Variants in SORCS3 observed in about 807,000 individuals in gnomAD.
SORCS3 encodes sortilin related VPS10 domain containing receptor 3.
A neutral mutation model predicts 146.3 loss-of-function variants in SORCS3; 57 were observed. The observed-to-expected ratio is 0.39, with a 90% CI of 0.31 to 0.49. The LOEUF is 0.49. SORCS3 is among the 20% of genes least tolerant of loss of function. The pLI, the probability that SORCS3 is intolerant of heterozygous loss-of-function variation, is 0.92. For missense variants in SORCS3, 1,341 were observed against 1,575.5 expected (o/e 0.85, Z 2.52); for synonymous variants, 653 against 618.5 (o/e 1.06, Z -0.83).
chr10:105,007,484 A>G (rs1420416206), intron 4 of SORCS3, among the ~76,000 whole-genome samples: 1 of 152,108 alleles, frequency 6.6e-6, no homozygotes, highest in African/African-American at 2.4e-5. Flanking sequence ...AAACAAACAA[A>G]CATAAGAAAA....
chr10:104,969,306 TG>T (rs2054844810), intron 3 of SORCS3, among the ~76,000 whole-genome samples: 1 of 24,616 alleles, frequency 4.1e-5, no homozygotes, highest in Non-Finnish European at 1.0e-4. Flanking sequence ...AAAAGGATTG[TG>T]TGTGTGTGTG....
chr10:105,039,583 A>T (rs1394969696), intron 4 of SORCS3, among the ~76,000 whole-genome samples: 2 of 147,488 alleles, frequency 1.4e-5, no homozygotes, highest in Non-Finnish European at 3.0e-5. Context: ...CAGCCTCCCC[A>T]GTAGCTGGGA....
intron 19 of SORCS3, among the ~76,000 whole-genome samples, chr10:105,218,734 T>C (rs1446833065): frequency 6.6e-6 from 1 of 152,198 alleles, no homozygotes; most frequent in East Asian, 1.9e-4. Context: ...TCTTCATTGC[T>C]GGCTGGGCGC....
chr10:105,143,108 A>C (rs147439231), intron 8 of SORCS3, among the ~76,000 whole-genome samples: 33 of 152,166 alleles, frequency 2.2e-4, no homozygotes, highest in South Asian at 2.1e-3. Context: ...TATTTCACTA[A>C]AAATCCTAGC....
chr10:104,842,431 T>C (rs1435640957), intron 1 of SORCS3, among the ~76,000 whole-genome samples: 1 of 152,172 alleles, frequency 6.6e-6, no homozygotes, highest in Non-Finnish European at 1.5e-5. Context: ...AGCAAGCCTA[T>C]CATCTGATCT....
chr10:104,680,951 C>T (rs2015963516), intron 1 of SORCS3, among the ~76,000 whole-genome samples: 1 of 152,210 alleles, frequency 6.6e-6, no homozygotes, highest in Non-Finnish European at 1.5e-5. Context: ...CAGGCAGGCC[C>T]TGCGGGGAAC....
intron 12 of SORCS3, among the ~76,000 whole-genome samples, chr10:105,166,080 C>A (rs1230273903): frequency 1.3e-5 from 2 of 152,154 alleles, no homozygotes; most frequent in Non-Finnish European, 2.9e-5. Context: ...ATAAGTGAAT[C>A]ACCCTTAGGT....
In SORCS3 at chr10:105,256,835, C is replaced by T. The variant is rs763369492; in HGVS notation, c.3354C>T (p.Ser1118=). 17 of 1,613,924 alleles carry T rather than the reference C, an allele frequency of 1.1e-5. No individual in the cohort carries two copies. The highest frequency in any genetic ancestry group is 1.3e-5 in the Non-Finnish European group (15 of 1,179,914). Residue 1118 remains serine, a synonymous_variant, in exon 25 of 27, where the codon TCC becomes TCT. Coordinates refer to ENST00000369701, the MANE Select transcript of SORCS3 (RefSeq NM_014978.3). The stretch of plus-strand genomic sequence containing the variant: ...CTTTCCAAGCTCCATTGGTGGACTC[C>T]AGTGCTGGGCACAGCAGCTCAGCCA... ...TQLTLAPLVD[S]SAGHSSSAML...
At chr10:104,980,416 T>C (rs1054954984) in intron 4 of SORCS3, among the ~76,000 whole-genome samples, 1 of 152,324 alleles carries the variant, frequency 6.6e-6, no homozygotes, top group Non-Finnish European at 1.5e-5. Context: ...AGAGTTTTTC[T>C]TTATTTTGGG....
intron 4 of SORCS3, among the ~76,000 whole-genome samples, chr10:105,007,455 A>T (rs140350090): frequency 6.2e-4 from 95 of 152,220 alleles, no homozygotes; most frequent in African/African-American, 2.0e-3. Flanking sequence ...TATACCCATC[A>T]CTCATCCTCC....
At chr10:105,095,960 G>A (rs1016745332) in intron 6 of SORCS3, among the ~76,000 whole-genome samples, 1 of 152,194 alleles carries the variant, frequency 6.6e-6, no homozygotes, top group South Asian at 2.1e-4. Flanking sequence ...GGGGATACTG[G>A]CATCTACGCA....
At chr10:105,079,476 A>G (rs2055609241) in intron 5 of SORCS3, among the ~76,000 whole-genome samples, 1 of 152,192 alleles carries the variant, frequency 6.6e-6, no homozygotes, top group Non-Finnish European at 1.5e-5. Context: ...TGTGATGTGA[A>G]TTGGGGAAAT....
intron 2 of SORCS3, among the ~76,000 whole-genome samples, chr10:104,858,918 G>C (rs554157038): frequency 7.1e-6 from 1 of 140,144 alleles, no homozygotes; most frequent in Admixed American, 7.4e-5. Context: ...ACCGCACCTG[G>C]CCTGAGAAGT....
At chr10:104,919,623 A>G (rs1226617994) in intron 3 of SORCS3, among the ~76,000 whole-genome samples, 1 of 152,074 alleles carries the variant, frequency 6.6e-6, no homozygotes, top group African/African-American at 2.4e-5. Context: ...CAGGAGGTGG[A>G]GGTTGCGGTG....
At chr10:105,100,167 ATCT>A (rs2055773602) in intron 6 of SORCS3, among the ~76,000 whole-genome samples, 1 of 152,228 alleles carries the variant, frequency 6.6e-6, no homozygotes, top group South Asian at 2.1e-4. Flanking sequence ...TAGCAGAATA[ATCT>A]TCTATTCCTG....
intron 24 of SORCS3, among the ~76,000 whole-genome samples, 167 bp from the exon 25 acceptor site, chr10:105,256,652 C>A (rs756172095): frequency 3.3e-5 from 5 of 152,188 alleles, no homozygotes; most frequent in African/African-American, 4.8e-5. Flanking sequence ...GGTGCCATTG[C>A]CATCATTGAA....
In SORCS3 at chr10:105,211,237, C is replaced by T. The variant is rs773736231; in HGVS notation, c.2362C>T (p.Leu788Phe). Residue 788 changes from leucine to phenylalanine, a missense_variant, in exon 17 of 27, where the codon CTT (leucine) becomes TTT (phenylalanine). Transcript: ENST00000369701. Reference protein sequence around the residue: ...SKDCSLGQSYLNSTGYRRIVS... With the variant: ...SKDCSLGQSYFNSTGYRRIVS... ...GGACTGCAGCCTTGGTCAAAGCTAC[C>T]TTAACAGCACTGGGTAAGTAAAACA... is the stretch of plus-strand genomic sequence containing the variant. 23 of 1,613,224 alleles carry T rather than the reference C, an allele frequency of 1.4e-5. No individual in the cohort carries two copies. The highest frequency in any genetic ancestry group is 1.8e-5 in the Non-Finnish European group (21 of 1,179,242).
At chr10:104,972,664 G>C (rs1284637307) in intron 3 of SORCS3, among the ~76,000 whole-genome samples, 1 of 152,022 alleles carries the variant, frequency 6.6e-6, no homozygotes, top group African/African-American at 2.4e-5. Flanking sequence ...CAGAGAGAGA[G>C]AGATGACTGT....
At chr10:104,704,856 G>A (rs1051532242) in intron 1 of SORCS3, among the ~76,000 whole-genome samples, 8 of 152,056 alleles carry the variant, frequency 5.3e-5, no homozygotes, top group African/African-American at 7.2e-5. Context: ...TGCTGTTTTG[G>A]TGCTTGGCCT....
Sources: gnomAD v4.1 joint callset for allele counts (sites outside exome capture counted in the v4.1 genomes callset) on GRCh38, gnomAD v4.1.1 for gene constraint, MANE v1.5 for transcripts, NCBI Gene and HGNC (gene_info 2026-07-23, HGNC 2026-07-21) for gene names.